The following GABRB1 variants were observed in gnomAD, a reference collection of about 807,000 sequenced individuals.
GABRB1 encodes the protein gamma-aminobutyric acid receptor subunit beta-1.
In GABRB1, 17 loss-of-function variants were observed where a neutral mutation model predicts 51.6. The observed-to-expected ratio is 0.33, with a 90% CI of 0.23 to 0.49. The LOEUF is 0.49. Ranked by LOEUF, GABRB1 falls within the 20% of genes least tolerant of loss-of-function variation. The probability of loss-of-function intolerance (pLI) is 0.99; values close to 1 mark genes in which losing one functional copy is unlikely to be tolerated. For missense variants in GABRB1, 410 were observed against 600.6 expected (o/e 0.68, Z 3.32); for synonymous variants, 247 against 218.9 (o/e 1.13, Z -1.14).
chr4:47,355,268 A>T (rs1379367342), intron 5 of GABRB1, among the ~76,000 whole-genome samples: 1 of 151,914 alleles, frequency 6.6e-6, no homozygotes, highest in Non-Finnish European at 1.5e-5. Flanking sequence ...GGCGTGAGCC[A>T]CCACACATGG....
At chr4:47,018,669 T>C (rs1000855033) in intron 1 of GABRB1, among the ~76,000 whole-genome samples, 1 of 152,166 alleles carries the variant, frequency 6.6e-6, no homozygotes, top group African/African-American at 2.4e-5. Flanking sequence ...GGGTACTGCA[T>C]TCTTACACTA....
At chr4:47,415,756 AAG>A (rs764188586) in intron 8 of GABRB1, among the ~76,000 whole-genome samples, 6 of 152,214 alleles carry the variant, frequency 3.9e-5, no homozygotes, top group Non-Finnish European at 5.9e-5. Context: ...AATACAGACT[AAG>A]AGGATCTTAA....
intron 4 of GABRB1, among the ~76,000 whole-genome samples, chr4:47,231,076 T>C (rs1276267149): frequency 6.6e-6 from 1 of 152,150 alleles, no homozygotes; most frequent in African/African-American, 2.4e-5. Flanking sequence ...AAAATGCTGA[T>C]TCTGAAGCAA....
At chr4:47,245,788 G>A (rs905416072) in intron 4 of GABRB1, among the ~76,000 whole-genome samples, 1 of 149,414 alleles carries the variant, frequency 6.7e-6, no homozygotes, top group Non-Finnish European at 1.5e-5. Context: ...GAGGAGCATT[G>A]TGCATACTGT....
chr4:47,077,956 T>G (rs1560523655), intron 3 of GABRB1, among the ~76,000 whole-genome samples: 1 of 96,040 alleles, frequency 1.0e-5, no homozygotes, highest in Non-Finnish European at 2.1e-5. Context: ...ATATTATATA[T>G]TTTATATATA....
At chr4:47,052,021 C>T (rs749116614) in intron 3 of GABRB1, among the ~76,000 whole-genome samples, 11 of 152,082 alleles carry the variant, frequency 7.2e-5, no homozygotes, top group South Asian at 4.2e-4. Context: ...TTCAGCTACA[C>T]GGGAGGCTGA....
chr4:47,109,960 G>T (rs1715148418), intron 3 of GABRB1, among the ~76,000 whole-genome samples: 1 of 152,088 alleles, frequency 6.6e-6, no homozygotes, highest in South Asian at 2.1e-4. Context: ...CATTGTAGTG[G>T]AAGAAAGAAG....
At chr4:47,170,627 C>A (rs1038956117) in intron 4 of GABRB1, among the ~76,000 whole-genome samples, 1 of 152,106 alleles carries the variant, frequency 6.6e-6, no homozygotes, top group South Asian at 2.1e-4. Context: ...GGTAAAAATA[C>A]TGTGCGGTTG....
intron 3 of GABRB1, among the ~76,000 whole-genome samples, chr4:47,105,348 C>T (rs887789494): frequency 5.3e-5 from 8 of 152,082 alleles, no homozygotes; most frequent in African/African-American, 1.9e-4. Context: ...GACCCTCTCC[C>T]AGCAAGAGAT....
chr4:47,420,433 A>G lies in GABRB1; in HGVS notation c.1081-5241A>G, dbSNP rs534345925. ...TATCCCACAGAAGAGTTCTTTCAAC[A>G]TCAGCAACTTTTGAAAAAAAATCTG... On this transcript the variant is annotated intron_variant, in intron 8 of 8. Transcript: ENST00000295454. 3.3e-5 allele frequency among the ~76,000 whole-genome samples: 5 copies of G among 152,260 alleles called. No homozygotes were observed. The East Asian group carries it at 9.7e-4, about 29-fold the overall frequency.
chr4:47,106,477 A>G (rs960040220), intron 3 of GABRB1, among the ~76,000 whole-genome samples: 3 of 152,134 alleles, frequency 2.0e-5, no homozygotes, highest in Non-Finnish European at 2.9e-5. Flanking sequence ...CTTAAGCTTC[A>G]TTATATACAA....
intron 4 of GABRB1, among the ~76,000 whole-genome samples, chr4:47,204,904 G>T (rs1219303578): frequency 6.6e-6 from 1 of 152,138 alleles, no homozygotes; most frequent in Admixed American, 6.6e-5. Context: ...TACCCATCAA[G>T]AAAACTATTC....
chr4:46,996,448 G>A (rs183020594), intron 1 of GABRB1, among the ~76,000 whole-genome samples: 8 of 152,112 alleles, frequency 5.3e-5, no homozygotes, highest in Admixed American at 3.3e-4. Context: ...GTCTTAGGAT[G>A]GACACTTTAA....
chr4:47,349,613 C>T (rs1005362614), intron 5 of GABRB1, among the ~76,000 whole-genome samples: 13 of 152,260 alleles, frequency 8.5e-5, no homozygotes, highest in Admixed American at 1.3e-4. Context: ...GGTGGATCCA[C>T]GCCGTATACA....
intron 3 of GABRB1, among the ~76,000 whole-genome samples, chr4:47,142,045 G>T (rs1328481351): frequency 2.6e-5 from 4 of 151,752 alleles, no homozygotes; most frequent in Non-Finnish European, 5.9e-5. Context: ...CCATCCCTAA[G>T]GGAGCCTACA....
chr4:47,230,428 C>T (rs984639748), intron 4 of GABRB1, among the ~76,000 whole-genome samples: 1 of 152,100 alleles, frequency 6.6e-6, no homozygotes, highest in Admixed American at 6.6e-5. Flanking sequence ...AACCTCCAAG[C>T]ATGTCAGTCA....
At chr4:47,124,599 A>C (rs1577930155) in intron 3 of GABRB1, among the ~76,000 whole-genome samples, 1 of 152,228 alleles carries the variant, frequency 6.6e-6, no homozygotes, top group East Asian at 1.9e-4. Context: ...ACGAAAACAG[A>C]CAGAAAACTC....
At chr4:47,092,077 T>G (rs906455773) in intron 3 of GABRB1, among the ~76,000 whole-genome samples, 2 of 152,138 alleles carry the variant, frequency 1.3e-5, no homozygotes, top group African/African-American at 4.8e-5. Context: ...TATGTATTAA[T>G]TTGTGTGGTT....
chr4:47,360,433 G>T (rs1350113679), intron 5 of GABRB1, among the ~76,000 whole-genome samples: 1 of 151,750 alleles, frequency 6.6e-6, no homozygotes, highest in Non-Finnish European at 1.5e-5. Context: ...TAGGGAAATA[G>T]CCAATTTCCT....
Sources: gnomAD v4.1 joint callset for allele counts (sites outside exome capture counted in the v4.1 genomes callset) on GRCh38, gnomAD v4.1.1 for gene constraint, MANE v1.5 for transcripts, NCBI Gene and HGNC (gene_info 2026-07-23, HGNC 2026-07-21) for gene names.